Variants in HIBADH observed in about 807,000 individuals in gnomAD.
HIBADH encodes 3-hydroxyisobutyrate dehydrogenase, mitochondrial.
Under a neutral mutation model 36.1 loss-of-function variants are expected in HIBADH, and 25 were observed. The ratio of observed to expected loss-of-function variants is 0.69; its 90% CI spans 0.50 to 0.97. HIBADH has a LOEUF of 0.97. HIBADH is among the 50% of genes least tolerant of loss of function. The pLI is 0.00. For missense variants in HIBADH, 421 were observed against 418.0 expected, an observed-to-expected ratio of 1.01 and a Z score of -0.06; for synonymous variants, 160 against 149.5, an observed-to-expected ratio of 1.07 and a Z score of -0.51.
intron 1 of HIBADH, among the ~76,000 whole-genome samples, chr7:27,656,073 A>C (rs1786298511): frequency 6.6e-6 from 1 of 152,196 alleles, no homozygotes; most frequent in African/African-American, 2.4e-5. Context: ...TTTGTCTTAA[A>C]GAGTCAGGCA....
chr7:27,591,545 C>T (rs1583585462), intron 4 of HIBADH, among the ~76,000 whole-genome samples: 1 of 85,368 alleles, frequency 1.2e-5, no homozygotes, highest in Admixed American at 1.1e-4. Flanking sequence ...AGCGAGACTC[C>T]GTCTCAAAAA....
chr7:27,649,797 C>T (rs1369121801), intron 1 of HIBADH, among the ~76,000 whole-genome samples, 164 bp from the exon 2 acceptor site: 1 of 151,506 alleles, frequency 6.6e-6, no homozygotes, highest in Non-Finnish European at 1.5e-5. Flanking sequence ...ACTTGGGAGG[C>T]TGAGGTAGGA....
chr7:27,584,528 A>AGACTCAC lies in HIBADH; in HGVS notation c.485-41435_485-41429dup, dbSNP rs201872746. ...ACCCTCAGTTGCTTTCCTTGAAGTA[A>AGACTCAC]GACTCACTTTTTTCTTTCTATAAGA... On this transcript the variant is annotated intron_variant, in intron 4 of 7. Coordinates refer to ENST00000265395, the MANE Select transcript of HIBADH (RefSeq NM_152740.4). Among the ~76,000 whole-genome samples, 924 of 152,166 alleles carry AGACTCAC rather than the reference A, an allele frequency of 6.1e-3. 7 individuals are homozygous for AGACTCAC. The highest frequency in any genetic ancestry group is 0.021 in the African/African-American group (871 of 41,550).
intron 4 of HIBADH, among the ~76,000 whole-genome samples, chr7:27,555,300 TA>T (rs1307694223): frequency 2.2e-5 from 2 of 92,354 alleles, no homozygotes; most frequent in Non-Finnish European, 4.2e-5. Context: ...TTTCTTGCTC[TA>T]CTTTTTTTTT....
At chr7:27,628,825 T>C (rs1023942223) in intron 4 of HIBADH, among the ~76,000 whole-genome samples, 12 of 152,110 alleles carry the variant, frequency 7.9e-5, no homozygotes, top group Non-Finnish European at 1.6e-4. Flanking sequence ...TTCTCTTTTA[T>C]AACATTTCTA....
intron 4 of HIBADH, among the ~76,000 whole-genome samples, chr7:27,563,236 G>C (rs1205751501): frequency 6.6e-6 from 1 of 152,184 alleles, no homozygotes; most frequent in African/African-American, 2.4e-5. Context: ...GGTATCAGCA[G>C]CATATCCCTT....
intron 3 of HIBADH, among the ~76,000 whole-genome samples, chr7:27,630,294 AC>A (rs1386058630): frequency 6.6e-6 from 1 of 151,982 alleles, no homozygotes; most frequent in Non-Finnish European, 1.5e-5. Flanking sequence ...ATGCCACCAT[AC>A]CCGTCTAAGT....
chr7:27,575,884 ACAGCAG>A (rs369656862), intron 4 of HIBADH, among the ~76,000 whole-genome samples: 2 of 152,220 alleles, frequency 1.3e-5, no homozygotes. Context: ...GCTCGCAGCA[ACAGCAG>A]CAGCAGCATG....
intron 4 of HIBADH, among the ~76,000 whole-genome samples, chr7:27,616,088 T>C (rs1038938567): frequency 6.6e-6 from 1 of 152,150 alleles, no homozygotes; most frequent in Non-Finnish European, 1.5e-5. Context: ...TCTGAGGGCC[T>C]CAGGCTGCTT....
intron 1 of HIBADH, among the ~76,000 whole-genome samples, chr7:27,651,989 T>C (rs1786203765): frequency 6.6e-6 from 1 of 151,874 alleles, no homozygotes. Context: ...AAAAGGAACA[T>C]GAATATATAC....
At chr7:27,564,229 A>AT (rs1188643113) in intron 4 of HIBADH, among the ~76,000 whole-genome samples, 3 of 152,138 alleles carry the variant, frequency 2.0e-5, no homozygotes, top group Non-Finnish European at 2.9e-5. Flanking sequence ...TTTATCAATT[A>AT]TTTTTTATGA....
rs1378013430 is a variant in HIBADH at position 27,536,070 on chromosome 7, G to A, written c.695+2271C>T. On this transcript the variant is annotated intron_variant, in intron 6 of 7. Coordinates refer to ENST00000265395, the MANE Select transcript of HIBADH (RefSeq NM_152740.4). Reference sequence around the variant, plus strand: ...TACTTTGCGGGAATTTACTACTTGGGAATTTATGCTTGCTGATGCCAATTT... The same window carrying A: ...TACTTTGCGGGAATTTACTACTTGGAAATTTATGCTTGCTGATGCCAATTT... 2.0e-5 allele frequency among the ~76,000 whole-genome samples: 3 copies of A among 152,090 alleles called. No homozygotes were observed. In the East Asian group the frequency reaches 5.8e-4, roughly 29 times the overall value.
At chr7:27,632,042 T>C (rs1785754864) in intron 3 of HIBADH, among the ~76,000 whole-genome samples, 1 of 152,196 alleles carries the variant, frequency 6.6e-6, no homozygotes, top group Non-Finnish European at 1.5e-5. Context: ...CAGTTGCAGT[T>C]TCAAATGTAA....
intron 4 of HIBADH, among the ~76,000 whole-genome samples, chr7:27,549,639 G>A (rs1784288515): frequency 6.6e-6 from 1 of 152,048 alleles, no homozygotes; most frequent in Non-Finnish European, 1.5e-5. Context: ...TCACATTTTT[G>A]CATCAAAAAT....
intron 4 of HIBADH, among the ~76,000 whole-genome samples, chr7:27,628,789 G>A (rs1352693533): frequency 6.6e-6 from 1 of 152,008 alleles, no homozygotes; most frequent in Admixed American, 6.6e-5. Context: ...CTACATTCAT[G>A]ACTAAAATAA....
At chr7:27,596,902 G>A (rs1785042375) in intron 4 of HIBADH, among the ~76,000 whole-genome samples, 1 of 151,972 alleles carries the variant, frequency 6.6e-6, no homozygotes, top group South Asian at 2.1e-4. Flanking sequence ...TGCTCAAGCT[G>A]TATATATGAA....
chr7:27,616,987 G>A (rs78086137), intron 4 of HIBADH, among the ~76,000 whole-genome samples: 1 of 151,984 alleles, frequency 6.6e-6, no homozygotes, highest in Non-Finnish European at 1.5e-5. Flanking sequence ...TATTATTGAA[G>A]AAAAATATTT....
At chr7:27,552,828 C>A (rs1784336294) in intron 4 of HIBADH, among the ~76,000 whole-genome samples, 1 of 152,188 alleles carries the variant, frequency 6.6e-6, no homozygotes, top group Admixed American at 6.5e-5. Flanking sequence ...ACAATATATT[C>A]AGTATTGCAT....
chr7:27,586,045 A>C (rs921126724), intron 4 of HIBADH, among the ~76,000 whole-genome samples: 5 of 152,242 alleles, frequency 3.3e-5, no homozygotes, highest in African/African-American at 7.2e-5. Flanking sequence ...TGACTTAACA[A>C]ACTGACTTCA....
Sources: gnomAD v4.1 joint callset for allele counts (sites outside exome capture counted in the v4.1 genomes callset) on GRCh38, gnomAD v4.1.1 for gene constraint, MANE v1.5 for transcripts, NCBI Gene and HGNC (gene_info 2026-07-23, HGNC 2026-07-21) for gene names.